The following HSPA12A variants were observed in gnomAD, a reference collection of about 807,000 sequenced individuals.
The protein encoded by HSPA12A is heat shock protein family A (Hsp70) member 12A.
In HSPA12A, 28 loss-of-function variants were observed where a neutral mutation model predicts 69.2. The observed-to-expected ratio is 0.40, with a 90% CI of 0.30 to 0.55. The LOEUF is 0.55. Among genes scored for constraint, HSPA12A ranks in the 20% least tolerant of loss-of-function variants. The pLI is 0.38. For missense variants in HSPA12A, 686 were observed against 900.7 expected (o/e 0.76, Z 3.05); for synonymous variants, 345 against 370.5 (o/e 0.93, Z 0.79).
rs757806071 is a variant in HSPA12A at position 116,796,005 on chromosome 10, G to A, written c.91+38930C>T. On this transcript the variant is annotated intron_variant, in intron 2 of 12. Coordinates refer to the HSPA12A transcript ENST00000635765. Reference sequence around the variant, plus strand: ...ACTAAAAATACAAAAAAAATTAGCCGGGCGTGGTGGTGGGTGCCTGTAGTC... The same window carrying A: ...ACTAAAAATACAAAAAAAATTAGCCAGGCGTGGTGGTGGGTGCCTGTAGTC... Among the ~76,000 whole-genome samples the A allele has an allele frequency of 3.2e-4, 48 of 150,162 alleles. No homozygotes were observed. The Middle Eastern group carries it at 0.01, about 33-fold the overall frequency.
chr10:116,820,651 G>A (rs942896835), intron 2 of HSPA12A, among the ~76,000 whole-genome samples: 6 of 151,798 alleles, frequency 4.0e-5, no homozygotes, highest in Non-Finnish European at 8.8e-5. Flanking sequence ...ATGTGACAAT[G>A]CCCCAGGCTT....
At chr10:116,739,865 G>A (rs991962335) in intron 1 of HSPA12A, among the ~76,000 whole-genome samples, 5 of 151,938 alleles carry the variant, frequency 3.3e-5, no homozygotes, top group South Asian at 2.1e-4. Flanking sequence ...TCATTGGCAC[G>A]CACCTCTGCC....
intron 9 of HSPA12A, 109 bp from the exon 10 acceptor site, chr10:116,679,870 G>C: frequency 9.0e-7 from 1 of 1,108,544 alleles, no homozygotes; most frequent in Non-Finnish European, 1.3e-6. Flanking sequence ...TTAGCAATGG[G>C]ACGGCAGCTA....
chr10:116,774,252 G>A (rs111632419), intron 2 of HSPA12A, among the ~76,000 whole-genome samples: 4 of 152,060 alleles, frequency 2.6e-5, no homozygotes, highest in South Asian at 2.1e-4. Flanking sequence ...CTCGTGATCC[G>A]CCCGCCTCGG....
intron 2 of HSPA12A, chr10:116,750,105 T>C: frequency 2.1e-6 from 1 of 466,456 alleles, no homozygotes; most frequent in South Asian, 3.2e-5. Flanking sequence ...TATGCCTGTA[T>C]GGAAGGGGAT....
At chr10:116,743,000 G>A (rs552920443), upstream of HSPA12A, among the ~76,000 whole-genome samples, 431 of 152,228 alleles carry the variant, frequency 2.8e-3, 6 homozygotes, top group African/African-American at 9.8e-3. Flanking sequence ...GCTTCTGTCT[G>A]TCCCCCAGGG....
intron 2 of HSPA12A, among the ~76,000 whole-genome samples, chr10:116,794,207 C>T (rs945450126): frequency 2.0e-5 from 3 of 151,740 alleles, no homozygotes; most frequent in Non-Finnish European, 4.4e-5. Flanking sequence ...AAGACTCCGT[C>T]TCAAAAAAAT....
intron 2 of HSPA12A, among the ~76,000 whole-genome samples, chr10:116,799,888 C>G (rs545722810): frequency 6.6e-6 from 1 of 151,876 alleles, no homozygotes; most frequent in African/African-American, 2.4e-5. Flanking sequence ...GGTAATAATA[C>G]AGCAGTGAAC....
chr10:116,748,570 A>T (rs1278116932), intron 2 of HSPA12A, among the ~76,000 whole-genome samples: 1 of 152,318 alleles, frequency 6.6e-6, no homozygotes, highest in East Asian at 1.9e-4. Context: ...TGACAAAGAC[A>T]TGCCTGAGAC....
At chr10:116,800,534 G>A (rs1310246461) in intron 2 of HSPA12A, among the ~76,000 whole-genome samples, 5 of 152,210 alleles carry the variant, frequency 3.3e-5, no homozygotes, top group Non-Finnish European at 5.9e-5. Flanking sequence ...AGGGAGCCAG[G>A]AGCTACCCGG....
At chr10:116,711,831 T>C (rs1035345101) in intron 1 of HSPA12A, among the ~76,000 whole-genome samples, 8 of 146,426 alleles carry the variant, frequency 5.5e-5, no homozygotes, top group Non-Finnish European at 7.4e-5. Flanking sequence ...GCCCAGCTAA[T>C]GTTTTTTTTT....
chr10:116,778,590 A>G (rs144662541), intron 2 of HSPA12A, among the ~76,000 whole-genome samples: 378 of 151,932 alleles, frequency 2.5e-3, no homozygotes, highest in African/African-American at 8.1e-3. Context: ...AATTCCCACA[A>G]CCCAAGCCTG....
At chr10:116,742,635 C>A (rs1851553508), upstream of HSPA12A, 1 of 1,010,094 alleles carries the variant, frequency 9.9e-7, no homozygotes, top group East Asian at 9.3e-5. Flanking sequence ...TCCCCGGGCC[C>A]CGCCCCGGCC....
At chr10:116,809,492 C>G (rs1221945886) in intron 2 of HSPA12A, among the ~76,000 whole-genome samples, 2 of 152,212 alleles carry the variant, frequency 1.3e-5, no homozygotes, top group East Asian at 3.9e-4. Context: ...CATTTGTGCT[C>G]TCTGTGCAAG....
chr10:116,821,186 T>C (rs999532860), intron 2 of HSPA12A, among the ~76,000 whole-genome samples: 1 of 152,170 alleles, frequency 6.6e-6, no homozygotes, highest in Non-Finnish European at 1.5e-5. Flanking sequence ...TAAGATCGTG[T>C]CACTCTCCCT....
At chr10:116,702,715 T>C (rs1850115843) in intron 3 of HSPA12A, among the ~76,000 whole-genome samples, 1 of 152,206 alleles carries the variant, frequency 6.6e-6, no homozygotes. Context: ...TCCCTTCAAA[T>C]TTTTATTCCT....
intron 1 of HSPA12A, among the ~76,000 whole-genome samples, chr10:116,734,907 G>T (rs1490270677): frequency 2.0e-5 from 3 of 152,036 alleles, no homozygotes; most frequent in Non-Finnish European, 2.9e-5. Flanking sequence ...CAGGAGACTG[G>T]CATGAACCCG....
chr10:116,805,607 G>T (rs1292947677), intron 2 of HSPA12A, among the ~76,000 whole-genome samples: 1 of 151,944 alleles, frequency 6.6e-6, no homozygotes, highest in African/African-American at 2.4e-5. Context: ...ACTTGTGTTT[G>T]TCCTTGAAAA....
At chr10:116,779,924 C>A (rs1314073088) in intron 2 of HSPA12A, among the ~76,000 whole-genome samples, 1 of 152,124 alleles carries the variant, frequency 6.6e-6, no homozygotes, top group Non-Finnish European at 1.5e-5. Context: ...TGCAGCCACC[C>A]TTCCCCTAGA....
Sources: allele counts gnomAD v4.1 joint callset (sites outside exome capture counted in the v4.1 genomes callset), GRCh38; gene constraint gnomAD v4.1.1; transcripts MANE v1.5; gene names NCBI Gene and HGNC (gene_info 2026-07-23, HGNC 2026-07-21).